Variants in DNAH2 observed in about 807,000 individuals in gnomAD.
The protein encoded by DNAH2 is dynein axonemal heavy chain 2, also known as axonemal beta dynein heavy chain 2.
In DNAH2, 323 loss-of-function variants were observed where a neutral mutation model predicts 523.5. The observed-to-expected ratio is 0.62, with a 90% CI of 0.56 to 0.68. The LOEUF (loss-of-function observed/expected upper bound fraction) is 0.68. DNAH2 is among the 30% of genes least tolerant of loss of function. The probability of loss-of-function intolerance (pLI) is 0.00; values close to 1 mark genes in which losing one functional copy is unlikely to be tolerated. For synonymous variants in DNAH2, 2,093 were observed against 2,177.4 expected, an observed-to-expected ratio of 0.96 and a Z score of 1.08; for missense variants, 4,907 against 5,701.5, an observed-to-expected ratio of 0.86 and a Z score of 4.49.
In DNAH2 at chr17:7,817,799, G is replaced by A; in HGVS notation, c.10179G>A (p.Leu3393=). 2.5e-6 allele frequency: 4 copies of A among 1,614,090 alleles called. No individual in the cohort carries two copies. The highest frequency in any genetic ancestry group is 3.4e-6 in the Non-Finnish European group (4 of 1,180,014). Residue 3393 remains leucine, a synonymous_variant, in exon 67 of 86, where the codon CTG becomes CTA. Transcript: ENST00000572933. ...TGTACTCCCCTTCCAGGTGGGCACT[G>A]ATGATCGACCCTCAGGCCCAGGCCC... is the stretch of plus-strand genomic sequence containing the variant. ...IIVTRGNRWA[L]MIDPQAQALK...
intron 68 of DNAH2, 24 bp from the exon 69 acceptor site, chr17:7,818,288 C>A: frequency 6.2e-7 from 1 of 1,612,716 alleles, no homozygotes; most frequent in Non-Finnish European, 8.5e-7. Context: ...GGAGTCCTTG[C>A]CCCTGACCCT....
rs2077331820 is a variant in DNAH2 at position 7,805,075 on chromosome 17, G to A, written c.9300+1G>A. ...GCCCGCCCTGGAAGAGGCCATGCGGGTACCAGGGGCGGGTGCAAGGATGGG... is the reference window on the plus strand; with the variant it reads ...GCCCGCCCTGGAAGAGGCCATGCGGATACCAGGGGCGGGTGCAAGGATGGG... On this transcript the variant is annotated splice_donor_variant, in intron 60 of 85. Transcript: ENST00000572933. LOFTEE classifies it high-confidence loss of function. 1 of 1,612,578 alleles carries A rather than the reference G, an allele frequency of 6.2e-7. No individual in the cohort carries two copies. The highest frequency in any genetic ancestry group is 1.3e-5 in the African/African-American group (1 of 74,886).
chr17:7,744,921 C>A (rs561679833), intron 12 of DNAH2, among the ~76,000 whole-genome samples: 1 of 152,050 alleles, frequency 6.6e-6, no homozygotes, highest in Non-Finnish European at 1.5e-5. Context: ...CACCAGCTGT[C>A]CTTTTTCTGT....
intron 9 of DNAH2, 65 bp from the exon 10 acceptor site, chr17:7,740,355 C>T (rs1307628866): frequency 1.3e-6 from 2 of 1,598,634 alleles, no homozygotes; most frequent in African/African-American, 2.7e-5. Context: ...GGGATTCTTC[C>T]TCAGGGGTTG....
At chr17:7,740,739 C>G (rs2075288681) in intron 10 of DNAH2, 71 bp from the exon 11 acceptor site, 1 of 1,561,594 alleles carries the variant, frequency 6.4e-7, no homozygotes, top group Non-Finnish European at 8.7e-7. Flanking sequence ...TGCAGCTTTC[C>G]TCTGGGATGA....
intron 61 of DNAH2, among the ~76,000 whole-genome samples, chr17:7,806,569 G>A (rs2077372018): frequency 6.9e-6 from 1 of 144,782 alleles, no homozygotes; most frequent in South Asian, 2.2e-4. Context: ...TGAGGCAGGA[G>A]AATGGTGTGA....
At position 7,774,920 on chromosome 17, in the gene DNAH2, G is replaced by A; in HGVS notation, c.4663G>A (p.Val1555Met). 6.2e-7 allele frequency: 1 copy of A among 1,614,202 alleles called. No individual in the cohort carries two copies. Among genetic ancestry groups the A allele is most frequent in the South Asian group, 1.1e-5 (1 of 91,086 alleles). Reference sequence around the variant, plus strand: ...GGGCCAGTCCCGAAACCCAGAGGCTGTGCAGCCACACCTCAAAAAATGCTT... The same window carrying A: ...GGGCCAGTCCCGAAACCCAGAGGCTATGCAGCCACACCTCAAAAAATGCTT... ...ILGQSRNPEA[V>M]QPHLKKCFDN... The change falls in exon 29 of 86, where the codon GTG becomes ATG. Residue 1555 changes from valine to methionine, a missense_variant. Coordinates refer to ENST00000572933, the MANE Select transcript of DNAH2 (RefSeq NM_020877.5).
rs1427714727 is a variant in DNAH2, at chr17:7,739,927, A to C, written c.1365A>C (p.Glu455Asp). The change falls in exon 9 of 86, where the codon GAA (glutamate) becomes GAC (aspartate). Residue 455 changes from glutamate to aspartate, a missense_variant. Physicochemically the swap from Glu to Asp is conservative, Grantham distance 45. Transcript: ENST00000572933. ...ILDVKNTCWHEDYNKFRAGIK... is the reference protein window; with the variant it reads ...ILDVKNTCWHDDYNKFRAGIK... ...ATGTCAAGAACACCTGTTGGCATGA[A>C]GACTACAATAAGTGAGGGAACCACA... 3 of 1,613,894 alleles carry C rather than the reference A, an allele frequency of 1.9e-6. No homozygotes were observed. Among genetic ancestry groups the C allele is most frequent in the Non-Finnish European group, 2.5e-6 (3 of 1,179,914 alleles).
rs1266116019 is a variant in DNAH2 at position 7,831,527 on chromosome 17, G to A, written c.12597G>A (p.Leu4199=). 6.2e-7 allele frequency: 1 copy of A among 1,614,152 alleles called. No individual in the cohort carries two copies. Among genetic ancestry groups the A allele is most frequent in the Non-Finnish European group, 8.5e-7 (1 of 1,180,020 alleles). ...AGGAGATCCAGAGATACAACACACT[G>A]ATGCAGACCATCCTGTAAGACAGAG... ...LLQEIQRYNT[L]MQTILFSLTD... Residue 4199 remains leucine (L), a synonymous_variant, in exon 81 of 86, where the codon CTG becomes CTA. Transcript: ENST00000572933. This position sits in a 1 kb window ranked among gnomAD's most constrained non-coding sequence, Gnocchi z 4.2.
At position 7,778,307 on chromosome 17, in the gene DNAH2, G is replaced by A. The variant is rs772583940; in HGVS notation, c.5379G>A (p.Leu1793=). 5.0e-6 allele frequency: 8 copies of A among 1,614,194 alleles called. No individual in the cohort carries two copies. The East Asian group carries it at 1.6e-4, about 31-fold the overall frequency. The part of the protein sequence containing the change: ...DRCYMTLTTA[L]HLHRGGSPKG... ...GTTACATGACACTGACCACGGCATT[G>A]CACCTGCACCGAGGGGGCTCCCCCA... Residue 1793 remains leucine, a synonymous_variant, in exon 35 of 86, where the codon TTG becomes TTA. Coordinates refer to ENST00000572933, the MANE Select transcript of DNAH2 (RefSeq NM_020877.5).
rs533826438 is a variant in DNAH2 at position 7,810,858 on chromosome 17, T to G, written c.9729+3272T>G. Among the ~76,000 whole-genome samples, 7 of 140,190 alleles carry G rather than the reference T, an allele frequency of 5.0e-5. No individual in the cohort carries two copies. The South Asian group carries it at 1.5e-3, about 30-fold the overall frequency. 92.0% of individuals were successfully genotyped at this position (140,190 alleles called of 152,430 possible). On this transcript the variant is annotated intron_variant, in intron 63 of 85. Coordinates refer to ENST00000572933, the MANE Select transcript of DNAH2 (RefSeq NM_020877.5). ...TATGCATGGTACTGAGGCTCAGGTCTGAAAAGAGGCTCAGAGCCCAACTAC... is the reference window on the plus strand; with the variant it reads ...TATGCATGGTACTGAGGCTCAGGTCGGAAAAGAGGCTCAGAGCCCAACTAC...
At chr17:7,818,544 G>A (rs976440810) in intron 69 of DNAH2, 84 bp downstream of exon 69, 52 of 1,601,834 alleles carry the variant, frequency 3.2e-5, no homozygotes, top group Non-Finnish European at 4.3e-5. Flanking sequence ...AGCTTGTGTT[G>A]GGCAGCTGAG....
intron 12 of DNAH2, among the ~76,000 whole-genome samples, chr17:7,749,503 T>C (rs1258549027): frequency 2.6e-5 from 4 of 151,984 alleles, no homozygotes. Flanking sequence ...AATACGTTTA[T>C]GCTACTAGAA....
At position 7,740,429 on chromosome 17, in the gene DNAH2, C is replaced by A; in HGVS notation, c.1386C>A (p.Ala462=). 4 of 1,614,138 alleles carry A rather than the reference C, an allele frequency of 2.5e-6. No individual in the cohort carries two copies. In the Middle Eastern group the frequency reaches 6.6e-4, roughly 266 times the overall value. Residue 462 remains alanine (A), a synonymous_variant, in exon 10 of 86, where the codon GCC becomes GCA. Coordinates refer to ENST00000572933, the MANE Select transcript of DNAH2 (RefSeq NM_020877.5). ...CWHEDYNKFR[A]GIKDLEVMTQ... is the part of the protein sequence containing the mutation. ...CTCTCCACCGGTGCAGGTTCCGTGC[C>A]GGAATCAAGGACCTGGAGGTGATGA...
At position 7,823,981 on chromosome 17, in the gene DNAH2, C is replaced by T. The variant is rs201099420; in HGVS notation, c.11477C>T (p.Ser3826Leu). The change falls in exon 75 of 86, where the codon TCG (serine) becomes TTG (leucine). Residue 3826 changes from serine to leucine, a missense_variant and splice_region_variant. By Grantham distance (145) the Ser-to-Leu change is moderately radical. Transcript: ENST00000572933. ...GAGCCGCCTGTGCTGAATATGAAGTCGGTCGGTGGCTCGGCTTCCTTGTCC... is the reference window on the plus strand; with the variant it reads ...GAGCCGCCTGTGCTGAATATGAAGTTGGTCGGTGGCTCGGCTTCCTTGTCC... ...FIEPPVLNMK[S>L]VLEDSTPRSP... 30 of 1,611,738 alleles carry T rather than the reference C, an allele frequency of 1.9e-5. No homozygotes were observed. Among genetic ancestry groups the T allele is most frequent in the South Asian group, 5.5e-5 (5 of 90,934 alleles).
At chr17:7,766,712 A>G (rs1024990813) in intron 22 of DNAH2, among the ~76,000 whole-genome samples, 3 of 143,982 alleles carry the variant, frequency 2.1e-5, no homozygotes, top group Admixed American at 7.3e-5. Context: ...CAGTGGCACA[A>G]TCTCGGCTCA....
In DNAH2 at chr17:7,799,097, G is replaced by C; in HGVS notation, c.8560-6G>C. On this transcript the variant is annotated splice_region_variant and splice_polypyrimidine_tract_variant and intron_variant, in intron 55 of 85. Coordinates refer to ENST00000572933, the MANE Select transcript of DNAH2 (RefSeq NM_020877.5). Reference sequence around the variant, plus strand: ...AGCCCTCTGACCCTGGGTGGCTTCTGTCCAGATCCAGTCGCATATCATAGA... The same window carrying C: ...AGCCCTCTGACCCTGGGTGGCTTCTCTCCAGATCCAGTCGCATATCATAGA... The C allele has an allele frequency of 6.2e-7, 1 of 1,614,046 alleles. No individual in the cohort carries two copies. The highest frequency in any genetic ancestry group is 8.5e-7 in the Non-Finnish European group (1 of 1,180,016).
chr17:7,739,026 G>A, intron 8 of DNAH2: 1 of 702,498 alleles, frequency 1.4e-6, no homozygotes, highest in Non-Finnish European at 2.6e-6. Context: ...TGGGAAGACT[G>A]AAGAACCAAA....
intron 24 of DNAH2, among the ~76,000 whole-genome samples, chr17:7,768,571 C>T (rs1176650870): frequency 6.6e-6 from 1 of 152,154 alleles, no homozygotes; most frequent in Non-Finnish European, 1.5e-5. Context: ...TACTGAAAAG[C>T]TACTCTCAGT....
Sources: allele counts gnomAD v4.1 joint callset (sites outside exome capture counted in the v4.1 genomes callset), GRCh38; gene constraint gnomAD v4.1.1; non-coding constraint Gnocchi (gnomAD v3.1); transcripts MANE v1.5; gene names NCBI Gene and HGNC (gene_info 2026-07-23, HGNC 2026-07-21).